Variants in SYAP1 observed in about 807,000 individuals in gnomAD.
SYAP1 encodes the protein synapse associated protein 1.
A neutral mutation model predicts 29.6 loss-of-function variants in SYAP1; 3 were observed. That is an observed-to-expected ratio of 0.10 (90% CI 0.05 to 0.26). The LOEUF (loss-of-function observed/expected upper bound fraction) is 0.26. SYAP1 is among the 10% of genes least tolerant of loss of function. The pLI is 1.00. For synonymous variants in SYAP1, 102 were observed against 102.7 expected (o/e 0.99, Z 0.04); for missense variants, 217 against 264.1 (o/e 0.82, Z 1.24).
chrX:16,743,729 C>T lies in SYAP1; in HGVS notation c.464C>T (p.Pro155Leu), dbSNP rs1335285273. The change falls in exon 5 of 9, where the codon CCG (proline) becomes CTG (leucine). Residue 155 changes from proline to leucine, a missense_variant. Physicochemically the swap from Pro to Leu is moderately conservative, Grantham distance 98. Transcript: ENST00000380155. ...AAGAGGAATTTCCTTCGTGACCCTC[C>T]GGCTGGCGTGCAATTTAATTTCGAC... is the stretch of plus-strand genomic sequence containing the variant. ...ADKRNFLRDP[P>L]AGVQFNFDFD... The T allele has an allele frequency of 5.0e-6, 6 of 1,210,614 alleles. No homozygotes were observed. The highest frequency in any genetic ancestry group is 5.6e-6 in the Non-Finnish European group (5 of 894,898).
chrX:16,749,032 G>A (rs1926669228), intron 5 of SYAP1, among the ~76,000 whole-genome samples: 1 of 110,734 alleles, frequency 9.0e-6, no homozygotes, highest in South Asian at 3.8e-4. Flanking sequence ...TGGGATTACA[G>A]GCGTGAACCT....
At chrX:16,739,896 A>T (rs1011601160) in intron 3 of SYAP1, among the ~76,000 whole-genome samples, 7 of 111,019 alleles carry the variant, frequency 6.3e-5, no homozygotes, top group African/African-American at 2.3e-4. Flanking sequence ...TCTGCTTCCC[A>T]TCCTAATCTT....
chrX:16,724,651 G>A (rs1272885393), intron 1 of SYAP1, among the ~76,000 whole-genome samples: 1 of 111,921 alleles, frequency 8.9e-6, no homozygotes, highest in Non-Finnish European at 1.9e-5. Flanking sequence ...TCCATAGTGA[G>A]TTGGTTTCCA....
At chrX:16,752,595 C>T (rs1926760799) in intron 5 of SYAP1, among the ~76,000 whole-genome samples, 1 of 109,900 alleles carries the variant, frequency 9.1e-6, no homozygotes, top group African/African-American at 3.3e-5. Context: ...CACTCTCAGA[C>T]CCCATTGAGG....
intron 1 of SYAP1, among the ~76,000 whole-genome samples, chrX:16,726,979 A>G (rs1318217252): frequency 8.9e-6 from 1 of 112,006 alleles, no homozygotes; most frequent in African/African-American, 3.2e-5. Flanking sequence ...AAAAAGGAAA[A>G]GGAAAAGGAA....
Position 16,756,665 on chromosome X carries a change from G to A in SYAP1, c.727G>A (p.Ala243Thr). 2 of 1,209,962 alleles carry A rather than the reference G, an allele frequency of 1.7e-6. No individual in the cohort carries two copies. Among genetic ancestry groups the A allele is most frequent in the East Asian group, 5.9e-5 (2 of 33,867 alleles). Residue 243 changes from alanine (A) to threonine (T), a missense_variant and splice_region_variant, in exon 7 of 9, where the codon GCA becomes ACA. Coordinates refer to ENST00000380155, the MANE Select transcript of SYAP1 (RefSeq NM_032796.4). ...TCTCTCTTATTCTCACTTCTTAGAG[G>A]CAGTACGGCCCAAAACGCCACCCGT... Reference protein sequence around the residue: ...GREQDLPLAEAVRPKTPPVVI... With the variant: ...GREQDLPLAETVRPKTPPVVI...
chrX:16,752,888 T>C (rs920006190), intron 5 of SYAP1, among the ~76,000 whole-genome samples: 2 of 111,213 alleles, frequency 1.8e-5, no homozygotes, highest in African/African-American at 3.3e-5. Context: ...CATCAGACTT[T>C]CCATGTATTT....
Position 16,736,208 on chromosome X carries a change from G to A in SYAP1, c.337G>A (p.Glu113Lys), listed in dbSNP as rs1926325631. The A allele has an allele frequency of 8.4e-7, 1 of 1,194,962 alleles. No individual in the cohort carries two copies. The change falls in exon 3 of 9, where the codon GAA becomes AAA. Residue 113 changes from glutamate (E) to lysine (K), a missense_variant. Glu to Lys is a moderately conservative substitution (Grantham distance 56). Transcript: ENST00000380155. ...TCAGAAGGAACAGAAAAAATTTGTT[G>A]AAGAGCAACATACAAAGAAGTCAGG... Reference protein sequence around the residue: ...DFQKEQKKFVEEQHTKKSEAA... With the variant: ...DFQKEQKKFVKEQHTKKSEAA...
rs1319111076 is a variant in SYAP1, at chrX:16,760,480, T to C, written c.*121T>C. ...ATAATTTTATGAAATTCAAAATTAT[T>C]CTTTTTTCAAGTTGAAACTTGCCTC... is the stretch of plus-strand genomic sequence containing the variant. On this transcript the variant is annotated 3_prime_UTR_variant, in exon 9 of 9. Transcript: ENST00000380155. The C allele has an allele frequency of 1.3e-6, 1 of 774,374 alleles. No homozygotes were observed. The highest frequency in any genetic ancestry group is 1.7e-6 in the Non-Finnish European group (1 of 574,959). 63.8% of individuals were successfully genotyped at this position (774,374 alleles called of 1,213,427 possible).
At position 16,749,386 on chromosome X, in the gene SYAP1, C is replaced by T. The variant is rs182070605; in HGVS notation, c.575+5546C>T. On this transcript the variant is annotated intron_variant, in intron 5 of 8. Transcript: ENST00000380155. ...ATTTCTTTACCAAAGGACTTGACTT[C>T]TCAGAACCTTTAGTCGTCATCTGTA... 7.6e-3 allele frequency among the ~76,000 whole-genome samples: 850 copies of T among 111,398 alleles called. 4 individuals carry two copies. Among genetic ancestry groups the T allele is most frequent in the Non-Finnish European group, 0.013 (699 of 53,074 alleles).
chrX:16,734,198 G>A (rs753291744), intron 1 of SYAP1, among the ~76,000 whole-genome samples: 2 of 109,145 alleles, frequency 1.8e-5, no homozygotes, highest in African/African-American at 6.7e-5. Flanking sequence ...GGCCAACATG[G>A]TGAAATCCCA....
chrX:16,725,904 A>G (rs1289307981), intron 1 of SYAP1, among the ~76,000 whole-genome samples: 1 of 112,062 alleles, frequency 8.9e-6, no homozygotes. Flanking sequence ...TGAATTCAAA[A>G]TATGTTTCTG....
At position 16,760,531 on chromosome X, in the gene SYAP1, C is replaced by G. The variant is rs1306837137; in HGVS notation, c.*172C>G. ...TTCTACTTTAAAAAAGTATATAGAA[C>G]AGTTACTTCTAATAATCAGAAAGAG... On this transcript the variant is annotated 3_prime_UTR_variant, in exon 9 of 9. Coordinates refer to ENST00000380155, the MANE Select transcript of SYAP1 (RefSeq NM_032796.4). The G allele has an allele frequency of 5.9e-6, 2 of 337,654 alleles. No homozygotes were observed. Among genetic ancestry groups the G allele is most frequent in the East Asian group, 5.5e-5 (1 of 18,335 alleles). 27.8% of individuals were successfully genotyped at this position (337,654 alleles called of 1,213,427 possible).
chrX:16,737,529 A>G (rs1400923103), intron 3 of SYAP1, among the ~76,000 whole-genome samples: 2 of 112,122 alleles, frequency 1.8e-5, no homozygotes, highest in East Asian at 2.8e-4. Context: ...AGTTAGCATC[A>G]CTTAGTGATT....
intron 3 of SYAP1, among the ~76,000 whole-genome samples, chrX:16,736,930 G>T (rs1408511946): frequency 9.0e-6 from 1 of 111,593 alleles, no homozygotes; most frequent in Admixed American, 9.6e-5. Context: ...TTCCGAGGGA[G>T]GCGAGTGACC....
chrX:16,719,977 A>C, intron 1 of SYAP1, 78 bp downstream of exon 1: 2 of 1,020,746 alleles, frequency 2.0e-6, no homozygotes, highest in Non-Finnish European at 2.6e-6. Flanking sequence ...CGCGGGCCCG[A>C]CTGGCTGGGG....
At chrX:16,757,963 A>G (rs950129263) in intron 8 of SYAP1, among the ~76,000 whole-genome samples, 1 of 110,897 alleles carries the variant, frequency 9.0e-6, no homozygotes, top group Non-Finnish European at 1.9e-5. Flanking sequence ...CCTTGACTGT[A>G]GACATGTACA....
At chrX:16,759,822 TTGGGCCAG>T (rs1177872122) in intron 8 of SYAP1, among the ~76,000 whole-genome samples, 1 of 112,510 alleles carries the variant, frequency 8.9e-6, no homozygotes, top group Non-Finnish European at 1.9e-5. Context: ...TAGAAAGCAG[TTGGGCCAG>T]TGCCCAGCCC....
intron 5 of SYAP1, among the ~76,000 whole-genome samples, chrX:16,745,379 G>A (rs918945119): frequency 6.3e-5 from 7 of 111,778 alleles, no homozygotes; most frequent in African/African-American, 2.3e-4. Flanking sequence ...AGGCCCAGGG[G>A]CTCTCTGGGC....
Sources: allele counts gnomAD v4.1 joint callset (sites outside exome capture counted in the v4.1 genomes callset), GRCh38; gene constraint gnomAD v4.1.1; transcripts MANE v1.5; gene names NCBI Gene and HGNC (gene_info 2026-07-23, HGNC 2026-07-21).